The following ESRRB variants were observed in gnomAD, a reference collection of about 807,000 sequenced individuals.
ESRRB encodes estrogen related receptor beta.
A neutral mutation model predicts 46.0 loss-of-function variants in ESRRB; 16 were observed. The ratio of observed to expected loss-of-function variants is 0.35; its 90% CI spans 0.24 to 0.53. ESRRB has a LOEUF of 0.53. Among genes scored for constraint, ESRRB ranks in the 20% least tolerant of loss-of-function variants. The probability of loss-of-function intolerance (pLI) is 0.93; values close to 1 mark genes in which losing one functional copy is unlikely to be tolerated. For synonymous variants in ESRRB, 246 were observed against 259.6 expected, an observed-to-expected ratio of 0.95 and a Z score of 0.50; for missense variants, 488 against 607.4, an observed-to-expected ratio of 0.80 and a Z score of 2.07.
chr14:76,384,361 G>A (rs764176023), intron 1 of ESRRB, among the ~76,000 whole-genome samples: 13 of 152,084 alleles, frequency 8.5e-5, no homozygotes, highest in African/African-American at 2.9e-4. Context: ...AGCAATTCTC[G>A]TAACCATTTT....
rs1449509330 is a variant in ESRRB at position 76,491,431 on chromosome 14, C to T, written c.851-16C>T. 1.9e-6 allele frequency: 3 copies of T among 1,607,124 alleles called. No homozygotes were observed. Among genetic ancestry groups the T allele is most frequent in the South Asian group, 1.1e-5 (1 of 89,800 alleles). ...TCCTGACCTGCTGCTGCCCTCTGTG[C>T]CCCCTCTTCCTGCAGGCTTCTCAAG... On this transcript the variant is annotated splice_polypyrimidine_tract_variant and intron_variant, in intron 5 of 6. Coordinates refer to ENST00000644823, the MANE Select transcript of ESRRB (RefSeq NM_001379180.1).
At chr14:76,344,506 G>C (rs1884226189) in intron 1 of ESRRB, among the ~76,000 whole-genome samples, 1 of 151,622 alleles carries the variant, frequency 6.6e-6, no homozygotes, top group Non-Finnish European at 1.5e-5. Context: ...CCACATATCA[G>C]TGAGAACATA....
chr14:76,410,205 CAG>C (rs1852311127), intron 1 of ESRRB, among the ~76,000 whole-genome samples: 1 of 152,154 alleles, frequency 6.6e-6, no homozygotes, highest in Non-Finnish European at 1.5e-5. Context: ...GCCTGGGCGA[CAG>C]AGCAAGACAG....
At chr14:76,372,612 A>G (rs1051616485), upstream of ESRRB, among the ~76,000 whole-genome samples, 3 of 152,138 alleles carry the variant, frequency 2.0e-5, no homozygotes, top group African/African-American at 7.2e-5. Flanking sequence ...CAGGCAGATC[A>G]CAAGAGGCAA....
intron 1 of ESRRB, among the ~76,000 whole-genome samples, chr14:76,334,375 G>A (rs1884100501): frequency 6.6e-6 from 1 of 152,170 alleles, no homozygotes. Flanking sequence ...AAGGGATGGG[G>A]TACGAATCCT....
At chr14:76,336,131 T>A (rs1357612565) in intron 1 of ESRRB, among the ~76,000 whole-genome samples, 1 of 152,138 alleles carries the variant, frequency 6.6e-6, no homozygotes, top group African/African-American at 2.4e-5. Flanking sequence ...GAAAGATCCC[T>A]TTTCACCCAA....
intron 2 of ESRRB, among the ~76,000 whole-genome samples, chr14:76,449,956 C>T (rs1318858976): frequency 6.6e-6 from 1 of 152,110 alleles, no homozygotes; most frequent in East Asian, 1.9e-4. Flanking sequence ...AGCGGAGTCT[C>T]TCTATGTTGC....
intron 2 of ESRRB, among the ~76,000 whole-genome samples, chr14:76,441,260 A>G (rs1430414284): frequency 1.3e-5 from 2 of 152,156 alleles, no homozygotes; most frequent in Non-Finnish European, 2.9e-5. Context: ...TCACATTCCA[A>G]TGGCCATGGT....
intron 1 of ESRRB, among the ~76,000 whole-genome samples, chr14:76,355,974 A>G (rs1414544927): frequency 6.6e-6 from 1 of 152,178 alleles, no homozygotes; most frequent in East Asian, 1.9e-4. Context: ...GAGGGGCTGC[A>G]GGGGACTCTC....
chr14:76,378,207 C>T (rs75937369), intron 1 of ESRRB, among the ~76,000 whole-genome samples: 1 of 152,200 alleles, frequency 6.6e-6, no homozygotes, highest in East Asian at 1.9e-4. Context: ...TTGTCCCTGG[C>T]TCAAGTCATA....
At chr14:76,400,321 T>C (rs1388151270) in intron 1 of ESRRB, among the ~76,000 whole-genome samples, 2 of 152,218 alleles carry the variant, frequency 1.3e-5, no homozygotes, top group East Asian at 3.9e-4. Flanking sequence ...GAGAACATAA[T>C]CTGGGGAGAA....
upstream of ESRRB, among the ~76,000 whole-genome samples, chr14:76,373,565 A>G (rs988514765): frequency 3.3e-5 from 5 of 152,186 alleles, no homozygotes; most frequent in African/African-American, 1.2e-4. Context: ...GACCTAGGCA[A>G]GTTTGTCTGG....
intron 3 of ESRRB, among the ~76,000 whole-genome samples, chr14:76,481,195 T>G (rs560342817): frequency 2.3e-4 from 35 of 152,348 alleles, no homozygotes; most frequent in African/African-American, 6.3e-4. Flanking sequence ...GTAGCCAGTC[T>G]GAGCTGTGTG....
At chr14:76,321,753 A>G (rs1382911036) in intron 1 of ESRRB, among the ~76,000 whole-genome samples, 1 of 152,148 alleles carries the variant, frequency 6.6e-6, no homozygotes, top group East Asian at 1.9e-4. Context: ...GAACAACTGA[A>G]AGATGGTATT....
At chr14:76,469,926 GTTGTTTTTTTTTTTTTTC>G (rs1889292402) in intron 3 of ESRRB, among the ~76,000 whole-genome samples, 2 of 67,650 alleles carry the variant, frequency 3.0e-5, no homozygotes, top group African/African-American at 1.0e-4. Flanking sequence ...TGTGTTTTTT[GTTGTTTTTTTTTTTTTTC>G]TTTTTTTTTT....
intron 1 of ESRRB, among the ~76,000 whole-genome samples, chr14:76,331,083 G>C (rs11622946): frequency 0.3 from 46,108 of 151,930 alleles, 8,519 homozygotes; most frequent in East Asian, 0.44. Context: ...GAACCTACCA[G>C]ATGGCCAAAG....
intron 1 of ESRRB, among the ~76,000 whole-genome samples, chr14:76,428,514 T>C (rs567408642): frequency 4.2e-4 from 64 of 152,210 alleles, no homozygotes; most frequent in Middle Eastern, 3.4e-3. Context: ...TGGCCAAGGC[T>C]AGGTGGACTA....
At chr14:76,407,507 C>T (rs1056649146) in intron 1 of ESRRB, 44 of 982,256 alleles carry the variant, frequency 4.5e-5, no homozygotes, top group Middle Eastern at 5.2e-4. Flanking sequence ...TATCTAAGTG[C>T]GATCTTACTC....
intron 1 of ESRRB, among the ~76,000 whole-genome samples, chr14:76,333,029 A>ATATATATTATATATTATATATTATATAT (rs1198027132): frequency 1.5e-4 from 1 of 6,668 alleles, no homozygotes; most frequent in African/African-American, 4.8e-4. Context: ...ATTATATATT[A>ATATATATTATATATTATATATTATATAT]TATATATTAT....
Sources: gnomAD v4.1 joint callset for allele counts (sites outside exome capture counted in the v4.1 genomes callset) on GRCh38, gnomAD v4.1.1 for gene constraint, MANE v1.5 for transcripts, NCBI Gene and HGNC (gene_info 2026-07-23, HGNC 2026-07-21) for gene names.